Variants in GART observed in about 807,000 individuals in gnomAD.
GART encodes the protein phosphoribosylglycinamide formyltransferase, phosphoribosylglycinamide synthetase, phosphoribosylaminoimidazole synthetase.
A neutral mutation model predicts 107.2 loss-of-function variants in GART; 43 were observed. The ratio of observed to expected loss-of-function variants is 0.40; its 90% CI spans 0.31 to 0.52. GART has a LOEUF of 0.52. GART is among the 20% of genes least tolerant of loss of function. The pLI is 0.52. For missense variants in GART, 1,107 were observed against 1,206.5 expected, an observed-to-expected ratio of 0.92 and a Z score of 1.22; for synonymous variants, 434 against 427.0, an observed-to-expected ratio of 1.02 and a Z score of -0.20.
intron 16 of GART, among the ~76,000 whole-genome samples, chr21:33,515,690 C>T (rs369719083): frequency 2.8e-5 from 3 of 107,874 alleles, no homozygotes; most frequent in African/African-American, 9.8e-5. Context: ...AAACAAAAAA[C>T]AAAAAAGAAC....
chr21:33,531,494 C>G lies in GART; in HGVS notation c.592G>C (p.Val198Leu). ...AAAAAGATGAATATACATACCGACA[C>G]CTCTTCTCCGTCAAGAAGTTCTTCA... The part of the protein sequence containing the change: ...VIEELLDGEE[V>L]SCLCFTDGKT... The change falls in exon 6 of 22, where the codon GTG becomes CTG. Residue 198 changes from valine to leucine, a missense_variant. Coordinates refer to ENST00000381815, the MANE Select transcript of GART (RefSeq NM_000819.5). 2 of 1,612,998 alleles carry G rather than the reference C, an allele frequency of 1.2e-6. No homozygotes were observed. The highest frequency in any genetic ancestry group is 1.7e-6 in the Non-Finnish European group (2 of 1,179,446).
At position 33,523,922 on chromosome 21, in the gene GART, A is replaced by T. The variant is rs1035421885; in HGVS notation, c.1298+847T>A. On this transcript the variant is annotated intron_variant, in intron 11 of 21. Transcript: ENST00000381815. ...GTGGAGGTTGCAGTGAGGCGAGATC[A>T]TGCCACTGCACTCCAGCCTGGGCGA... 28 of 739,182 alleles carry T rather than the reference A, an allele frequency of 3.8e-5. No individual in the cohort carries two copies. In the African/African-American group the frequency reaches 5.5e-4, roughly 15 times the overall value. 45.8% of individuals were successfully genotyped at this position (739,182 alleles called of 1,614,324 possible).
intron 2 of GART, among the ~76,000 whole-genome samples, chr21:33,536,193 T>C (rs1427056044): frequency 6.6e-6 from 1 of 152,202 alleles, no homozygotes; most frequent in Non-Finnish European, 1.5e-5. Flanking sequence ...TATTTTGGGT[T>C]GGGTCAGGAG....
At chr21:33,527,356 T>TA (rs2085092961) in intron 10 of GART, among the ~76,000 whole-genome samples, 1 of 152,022 alleles carries the variant, frequency 6.6e-6, no homozygotes, top group Non-Finnish European at 1.5e-5. Context: ...CCATCTCTAC[T>TA]AAAAATACAG....
chr21:33,531,363 C>A, intron 6 of GART, 126 bp downstream of exon 6: 1 of 794,314 alleles, frequency 1.3e-6, no homozygotes, highest in Non-Finnish European at 2.1e-6. Context: ...ATACAAATTC[C>A]TTTGTAACTG....
In GART at chr21:33,511,391, T is replaced by C. The variant is rs1401909116; in HGVS notation, c.2175A>G (p.Glu725=). ...WLQQEGHLSE[E]EMARTFNCGV... ...CACAGTTAAATGTTCTGGCCATCTC[T>C]TCCTCAGAGAGGTGTCCTTCCTGCT... Residue 725 remains glutamate (E), a synonymous_variant, in exon 17 of 22, where the codon GAA becomes GAG. Coordinates refer to ENST00000381815, the MANE Select transcript of GART (RefSeq NM_000819.5). 12 of 1,614,136 alleles carry C rather than the reference T, an allele frequency of 7.4e-6. No homozygotes were observed. The highest frequency in any genetic ancestry group is 1.0e-5 in the Non-Finnish European group (12 of 1,180,006).
intron 10 of GART, among the ~76,000 whole-genome samples, chr21:33,527,174 G>A (rs910117426): frequency 6.6e-6 from 1 of 152,146 alleles, no homozygotes. Context: ...GATTCATAAG[G>A]CAATGGACTT....
chr21:33,540,358 A>G (rs1197705165), intron 1 of GART, among the ~76,000 whole-genome samples: 1 of 152,234 alleles, frequency 6.6e-6, no homozygotes, highest in Non-Finnish European at 1.5e-5. Context: ...TTTGAATTTC[A>G]TAAAATTTTC....
Position 33,531,495 on chromosome 21 carries a change from C to T in GART, c.591G>A (p.Glu197=). ...AAAAGATGAATATACATACCGACACCTCTTCTCCGTCAAGAAGTTCTTCAA... is the reference window on the plus strand; with the variant it reads ...AAAAGATGAATATACATACCGACACTTCTTCTCCGTCAAGAAGTTCTTCAA... The part of the protein sequence containing the change: ...IVIEELLDGE[E]VSCLCFTDGK... The change falls in exon 6 of 22, where the codon GAG becomes GAA. Residue 197 remains glutamate, a synonymous_variant. Coordinates refer to ENST00000381815, the MANE Select transcript of GART (RefSeq NM_000819.5). 1 of 1,613,006 alleles carries T rather than the reference C, an allele frequency of 6.2e-7. No individual in the cohort carries two copies. The highest frequency in any genetic ancestry group is 8.5e-7 in the Non-Finnish European group (1 of 1,179,502).
intron 1 of GART, 132 bp from the exon 2 acceptor site, chr21:33,539,488 T>A: frequency 3.7e-6 from 2 of 543,046 alleles, no homozygotes; most frequent in Non-Finnish European, 6.2e-6. Flanking sequence ...AGGTCAGGAG[T>A]TTGAGACCAG....
rs556484667 is a variant in GART at position 33,520,218 on chromosome 21, T to C, written c.1702+146A>G. 4 of 677,870 alleles carry C rather than the reference T, an allele frequency of 5.9e-6. No homozygotes were observed. The East Asian group carries it at 8.1e-5, about 14-fold the overall frequency. The allele number at this position is 677,870 out of a possible 1,614,324, so 42.0% of individuals were successfully genotyped here. A position where few individuals can be genotyped will look rare whatever the true frequency, so the allele number is the denominator to read the frequency against. Reference sequence around the variant, plus strand: ...TAAATTTAATTCAGGTAGTTTTACCTATATTTCATTTGTGCATATCACATA... The same window carrying C: ...TAAATTTAATTCAGGTAGTTTTACCCATATTTCATTTGTGCATATCACATA... On this transcript the variant is annotated intron_variant, in intron 14 of 21. Coordinates refer to ENST00000381815, the MANE Select transcript of GART (RefSeq NM_000819.5).
In GART at chr21:33,530,795, G is replaced by T. The variant is rs764793604; in HGVS notation, c.687C>A (p.Asn229Lys). The T allele has an allele frequency of 2.0e-6, 3 of 1,531,384 alleles. No individual in the cohort carries two copies. The highest frequency in any genetic ancestry group is 1.4e-5 in the African/African-American group (1 of 69,636). The allele number at this position is 1,531,384 out of a possible 1,614,324, so 94.9% of individuals were successfully genotyped here. ...KRLLEGDGGP[N>K]TGGMGAYCPA... The stretch of plus-strand genomic sequence containing the variant: ...GACAATAGGCTCCCATTCCCCCTGT[G>T]TTAGGGCCACCATCTCCCTCCAGTA... The change falls in exon 7 of 22, where the codon AAC (asparagine) becomes AAA (lysine). Residue 229 changes from asparagine (N) to lysine (K), a missense_variant. Asn to Lys is a moderately conservative substitution (Grantham distance 94). Coordinates refer to ENST00000381815, the MANE Select transcript of GART (RefSeq NM_000819.5).
chr21:33,539,017 T>A (rs960351829), intron 2 of GART, among the ~76,000 whole-genome samples, 154 bp downstream of exon 2: 3 of 152,052 alleles, frequency 2.0e-5, no homozygotes, highest in Admixed American at 2.0e-4. Context: ...CCTGACCTCA[T>A]GATCCGCATA....
intron 14 of GART, among the ~76,000 whole-genome samples, chr21:33,519,287 C>A (rs887554568): frequency 2.6e-5 from 4 of 152,132 alleles, no homozygotes; most frequent in Admixed American, 1.3e-4. Context: ...GGCACGGTGG[C>A]TCATGCCTGT....
At chr21:33,505,860 C>T in intron 19 of GART, 114 bp downstream of exon 19, 2 of 1,466,716 alleles carry the variant, frequency 1.4e-6, no homozygotes, top group Non-Finnish European at 1.9e-6. Context: ...AAGCCCAGCA[C>T]CCACCCAAAA....
rs186421502 is a variant in GART, at chr21:33,519,439, A to C, written c.1702+925T>G. 4.3e-3 allele frequency among the ~76,000 whole-genome samples: 660 copies of C among 152,056 alleles called. 4 individuals are homozygous for C. The highest frequency in any genetic ancestry group is 0.015 in the African/African-American group (635 of 41,470). On this transcript the variant is annotated intron_variant, in intron 14 of 21. Transcript: ENST00000381815. ...TGTGGTGGCGGGCACCTGTAGTCCC[A>C]GCTACTCGGGAGGCTGAGGCAGGAG...
rs769199339 is a variant in GART, at chr21:33,509,927, T to C, written c.2315-7A>G. On this transcript the variant is annotated splice_polypyrimidine_tract_variant and splice_region_variant and intron_variant, in intron 17 of 21. Coordinates refer to ENST00000381815, the MANE Select transcript of GART (RefSeq NM_000819.5). ...ACTTTCACACGTGGGGAACCTTCATTTCAAACATATCCATAAATAAGTAAA... is the reference window on the plus strand; with the variant it reads ...ACTTTCACACGTGGGGAACCTTCATCTCAAACATATCCATAAATAAGTAAA... 1 of 1,605,150 alleles carries C rather than the reference T, an allele frequency of 6.2e-7. No homozygotes were observed. The highest frequency in any genetic ancestry group is 8.5e-7 in the Non-Finnish European group (1 of 1,176,706).
At chr21:33,533,414 C>G (rs547629434) in intron 4 of GART, among the ~76,000 whole-genome samples, 1 of 146,766 alleles carries the variant, frequency 6.8e-6, no homozygotes, top group African/African-American at 2.5e-5. Context: ...CACTGCAGTC[C>G]GGCCTGGGTG....
chr21:33,528,297 C>A lies in GART; in HGVS notation c.936G>T (p.Val312=). ...LPLLKSDLYE[V]IQSTLDGLLC... ...GCAGTCCATCTAAGGTGGACTGAAT[C>A]ACTTCATAAAGATCACTTTTAAGAA... The change falls in exon 10 of 22, where the codon GTG becomes GTT. Residue 312 remains valine (V), a synonymous_variant. Coordinates refer to ENST00000381815, the MANE Select transcript of GART (RefSeq NM_000819.5). The A allele has an allele frequency of 6.2e-7, 1 of 1,614,062 alleles. No homozygotes were observed. Among genetic ancestry groups the A allele is most frequent in the South Asian group, 1.1e-5 (1 of 91,016 alleles).
Sources: allele counts gnomAD v4.1 joint callset (sites outside exome capture counted in the v4.1 genomes callset), GRCh38; gene constraint gnomAD v4.1.1; transcripts MANE v1.5; gene names NCBI Gene and HGNC (gene_info 2026-07-23, HGNC 2026-07-21).